Variants in EXOSC2 observed in about 807,000 individuals in gnomAD.
The protein encoded by EXOSC2 is exosome complex component RRP4.
EXOSC2 carries 29 observed loss-of-function variants against 37.6 expected under a neutral mutation model. That is an observed-to-expected ratio of 0.77 (90% confidence interval 0.57 to 1.05). EXOSC2 has a LOEUF of 1.05. Ranked by LOEUF, EXOSC2 falls within the 50% of genes least tolerant of loss-of-function variation. The pLI is 0.00. For missense variants in EXOSC2, 346 were observed against 365.6 expected, an observed-to-expected ratio of 0.95 and a Z score of 0.44; for synonymous variants, 119 against 131.1, an observed-to-expected ratio of 0.91 and a Z score of 0.63.
rs138021425 is a variant in EXOSC2, at chr9:130,697,399, G to A, written c.225-183G>A. On this transcript the variant is annotated intron_variant, in intron 2 of 8. Transcript: ENST00000372358. Reference sequence around the variant, plus strand: ...AGGATAGTTAATGGAGACTTTATACGTGGAGGAATGTTTGAAGTTAGCAGT... The same window carrying A: ...AGGATAGTTAATGGAGACTTTATACATGGAGGAATGTTTGAAGTTAGCAGT... Among the ~76,000 whole-genome samples, 152 of 152,350 alleles carry A rather than the reference G, an allele frequency of 1.0e-3. 3 individuals carry two copies. The highest frequency in any genetic ancestry group is 3.5e-3 in the African/African-American group (146 of 41,580).
chr9:130,700,349 A>T (rs1457293451), intron 5 of EXOSC2, among the ~76,000 whole-genome samples: 4 of 140,116 alleles, frequency 2.9e-5, no homozygotes, highest in Admixed American at 2.2e-4. Context: ...TTATTTATTT[A>T]TTTATTTATT....
At position 130,701,821 on chromosome 9, in the gene EXOSC2, A is replaced by G. The variant is rs565552537; in HGVS notation, c.496-313A>G. On this transcript the variant is annotated intron_variant, in intron 6 of 8. Transcript: ENST00000372358. ...TGCTCCTGGGCCAGCAGGAGGCTCC[A>G]GCTCACTTCCTCATTGGCTTCAGCT... is the stretch of plus-strand genomic sequence containing the variant. 270 of 1,106,252 alleles carry G rather than the reference A, an allele frequency of 2.4e-4. 1 individual carries two copies. The South Asian group carries it at 7.0e-3, about 29-fold the overall frequency. 68.5% of individuals were successfully genotyped at this position (1,106,252 alleles called of 1,614,324 possible).
At chr9:130,697,499 T>C in intron 2 of EXOSC2, 83 bp from the exon 3 acceptor site, 1 of 1,373,310 alleles carries the variant, frequency 7.3e-7, no homozygotes, top group South Asian at 1.2e-5. Context: ...TTTCACCCTG[T>C]TGAACCGACA....
chr9:130,703,666 CT>C (rs749438442), intron 8 of EXOSC2, 27 bp from the exon 9 acceptor site: 253 of 1,594,872 alleles, frequency 1.6e-4, no homozygotes, highest in Non-Finnish European at 2.0e-4. Flanking sequence ...GGTTTCTTTT[CT>C]GAACAAATGC....
Position 130,702,184 on chromosome 9 carries a change from G to A in EXOSC2, c.546G>A (p.Gln182=). ...VQVSPSLVKR[Q]KTHFHDLPCG... ...TTTCCCCCTCCCTGGTGAAACGGCA[G>A]AAGACCCACTTTCATGATTTGCCAT... The change falls in exon 7 of 9, where the codon CAG becomes CAA. Residue 182 remains glutamine (Q), a synonymous_variant. Transcript: ENST00000372358. 1 of 1,614,158 alleles carries A rather than the reference G, an allele frequency of 6.2e-7. No homozygotes were observed. The highest frequency in any genetic ancestry group is 1.3e-5 in the African/African-American group (1 of 75,038).
intron 2 of EXOSC2, among the ~76,000 whole-genome samples, chr9:130,696,226 C>G (rs1044331746): frequency 6.6e-6 from 1 of 152,144 alleles, no homozygotes; most frequent in Non-Finnish European, 1.5e-5. Context: ...GAGCCTGATA[C>G]CTAGAAGCAT....
At chr9:130,695,984 C>T (rs1035409269) in intron 2 of EXOSC2, among the ~76,000 whole-genome samples, 2 of 151,738 alleles carry the variant, frequency 1.3e-5, no homozygotes, top group Admixed American at 6.6e-5. Flanking sequence ...CTTCAGCCTC[C>T]CGAGTAGCTG....
At chr9:130,699,501 A>G in intron 5 of EXOSC2, 107 bp downstream of exon 5, 1 of 1,144,604 alleles carries the variant, frequency 8.7e-7, no homozygotes, top group Non-Finnish European at 1.3e-6. Context: ...CCTTGCAGGG[A>G]TCCGAGTCTT....
chr9:130,702,377 C>A, intron 7 of EXOSC2, 67 bp downstream of exon 7: 1 of 1,421,992 alleles, frequency 7.0e-7, no homozygotes, highest in Non-Finnish European at 9.7e-7. Flanking sequence ...GTTTTTGTGG[C>A]CAGTGAAGTT....
At position 130,694,181 on chromosome 9, in the gene EXOSC2, A is replaced by G. The variant is rs1820552773; in HGVS notation, c.122+268A>G. 1.3e-5 allele frequency among the ~76,000 whole-genome samples: 2 copies of G among 151,772 alleles called. No individual in the cohort carries two copies. Among genetic ancestry groups the G allele is most frequent in the Admixed American group, 1.3e-4 (2 of 15,220 alleles). On this transcript the variant is annotated intron_variant, in intron 1 of 8. Coordinates refer to ENST00000372358, the MANE Select transcript of EXOSC2 (RefSeq NM_014285.7). The surrounding 1 kb of genome is among the most constrained non-coding windows in gnomAD (Gnocchi z 4.0). ...TTTGGGTCTTCTGCCTGAAGTCCAA[A>G]TCTTTGATCCTTCCTTGTGGGAGAC...
In EXOSC2 at chr9:130,701,598, T is replaced by C. The variant is rs574629075; in HGVS notation, c.496-536T>C. On this transcript the variant is annotated intron_variant, in intron 6 of 8. Coordinates refer to ENST00000372358, the MANE Select transcript of EXOSC2 (RefSeq NM_014285.7). ...GTACATGGAGTAGGCAGAGGACTGC[T>C]GCAGTATGCTGACTTTCACAACCCT... is the stretch of plus-strand genomic sequence containing the variant. 12 of 986,756 alleles carry C rather than the reference T, an allele frequency of 1.2e-5. No individual in the cohort carries two copies. The East Asian group carries it at 1.2e-3, about 102-fold the overall frequency. 61.1% of individuals were successfully genotyped at this position (986,756 alleles called of 1,614,324 possible).
In EXOSC2 at chr9:130,694,876, G is replaced by GTT. The variant is rs1270901837; in HGVS notation, c.123-603_123-602dup. Among the ~76,000 whole-genome samples, 1,599 of 144,598 alleles carry GTT rather than the reference G, an allele frequency of 0.011. 40 individuals are homozygous for GTT. The highest frequency in any genetic ancestry group is 0.039 in the African/African-American group (1,544 of 39,326). The allele number at this position is 144,598 out of a possible 152,430, so 94.9% of individuals were successfully genotyped here. A position where few individuals can be genotyped will look rare whatever the true frequency, so the allele number is the denominator to read the frequency against. On this transcript the variant is annotated intron_variant, in intron 1 of 8. Transcript: ENST00000372358. The surrounding 1 kb of genome is among the most constrained non-coding windows in gnomAD (Gnocchi z 4.0). ...CGCCACCATGCCTAGCTAATTTTTG[G>GTT]TTTTTTTTTTTTTTAGTAGAGACAG... is the stretch of plus-strand genomic sequence containing the variant.
In EXOSC2 at chr9:130,697,617, G is replaced by C; in HGVS notation, c.260G>C (p.Arg87Pro). 6.2e-7 allele frequency: 1 copy of C among 1,614,082 alleles called. No homozygotes were observed. The highest frequency in any genetic ancestry group is 8.5e-7 in the Non-Finnish European group (1 of 1,179,962). ...IGEVGDIVVG[R>P]ITEVQQKRWK... ...GAAGTAGGAGACATCGTAGTGGGAC[G>C]AATCACAGAGGTAACGTCGATATCA... Residue 87 changes from arginine (R) to proline (P), a missense_variant, in exon 3 of 9, where the codon CGA becomes CCA. Coordinates refer to ENST00000372358, the MANE Select transcript of EXOSC2 (RefSeq NM_014285.7).
Position 130,702,258 on chromosome 9 carries a change from C to T in EXOSC2, c.620C>T (p.Pro207Leu). The T allele has an allele frequency of 1.2e-6, 2 of 1,614,138 alleles. No homozygotes were observed. Among genetic ancestry groups the T allele is most frequent in the Non-Finnish European group, 1.7e-6 (2 of 1,180,020 alleles). Residue 207 changes from proline to leucine, a missense_variant, in exon 7 of 9, where the codon CCA becomes CTA. Pro to Leu is a moderately conservative substitution (Grantham distance 98). Coordinates refer to ENST00000372358, the MANE Select transcript of EXOSC2 (RefSeq NM_014285.7). ...LGNNGFIWIYPTPEHKEEEAG... is the reference protein window; with the variant it reads ...LGNNGFIWIYLTPEHKEEEAG... ...AACAACGGCTTCATCTGGATTTACC[C>T]AACACCTGAGCACAAAGAAGAGGAA...
chr9:130,702,581 T>TTTTG (rs58698988), intron 7 of EXOSC2, among the ~76,000 whole-genome samples: 83,268 of 151,230 alleles, frequency 0.55, 24,363 homozygotes, highest in African/African-American at 0.76. Context: ...TTTTCTGTTT[T>TTTTG]TTTGTTTGTT....
In EXOSC2 at chr9:130,699,495, G is replaced by T. The variant is rs964768496; in HGVS notation, c.426+101G>T. 2.6e-5 allele frequency: 31 copies of T among 1,186,182 alleles called. No individual in the cohort carries two copies. In the African/African-American group the frequency reaches 3.3e-4, roughly 13 times the overall value. 73.5% of individuals were successfully genotyped at this position (1,186,182 alleles called of 1,614,324 possible). On this transcript the variant is annotated intron_variant, in intron 5 of 8. Coordinates refer to ENST00000372358, the MANE Select transcript of EXOSC2 (RefSeq NM_014285.7). ...CTGACGGAAGAACCATGTCATCCTT[G>T]CAGGGATCCGAGTCTTAGACCAAGT...
chr9:130,699,748 T>C (rs759948170), intron 5 of EXOSC2: 6 of 215,436 alleles, frequency 2.8e-5, no homozygotes, highest in Non-Finnish European at 5.7e-5. Flanking sequence ...ATGCCTGTAA[T>C]CCCAGCGCTT....
chr9:130,698,212 C>G lies in EXOSC2; in HGVS notation c.321C>G (p.Val107=). ...KVETNSRLDS[V]LLLSSMNLPG... Reference sequence around the variant, plus strand: ...AGACCAACTCCAGGCTGGATTCGGTCTTGCTGCTCTCGTCCATGAACCTTC... The same window carrying G: ...AGACCAACTCCAGGCTGGATTCGGTGTTGCTGCTCTCGTCCATGAACCTTC... Residue 107 remains valine (V), a synonymous_variant, in exon 4 of 9, where the codon GTC becomes GTG. Transcript: ENST00000372358. This position sits in a 1 kb window ranked among gnomAD's most constrained non-coding sequence, Gnocchi z 4.1. The G allele has an allele frequency of 1.2e-6, 2 of 1,614,172 alleles. No homozygotes were observed. Among genetic ancestry groups the G allele is most frequent in the East Asian group, 2.2e-5 (1 of 44,886 alleles).
At chr9:130,701,042 C>A (rs1029353977) in intron 6 of EXOSC2, 107 bp downstream of exon 6, 2 of 1,012,206 alleles carry the variant, frequency 2.0e-6, no homozygotes, top group Non-Finnish European at 3.0e-6. Context: ...AGTAGCTAAG[C>A]ATTAATAGAG....
Sources: gnomAD v4.1 joint callset for allele counts (sites outside exome capture counted in the v4.1 genomes callset) on GRCh38, gnomAD v4.1.1 for gene constraint, Gnocchi (gnomAD v3.1) non-coding constraint, MANE v1.5 for transcripts, NCBI Gene and HGNC (gene_info 2026-07-23, HGNC 2026-07-21) for gene names.